Variants in DRD3 observed in about 807,000 individuals in gnomAD.
The protein encoded by DRD3 is D(3) dopamine receptor.
A neutral mutation model predicts 36.3 loss-of-function variants in DRD3; 19 were observed. The observed-to-expected ratio is 0.52, with a 90% CI of 0.36 to 0.77. The LOEUF (loss-of-function observed/expected upper bound fraction) is 0.77. Among genes scored for constraint, DRD3 ranks in the 30% least tolerant of loss-of-function variants. DRD3 has a pLI of 0.00. For synonymous variants in DRD3, 195 were observed against 203.7 expected (o/e 0.96, Z 0.36); for missense variants, 465 against 505.3 (o/e 0.92, Z 0.77).
chr3:114,177,293 T>C (rs2077909268), intron 1 of DRD3, among the ~76,000 whole-genome samples: 1 of 152,200 alleles, frequency 6.6e-6, no homozygotes, highest in Admixed American at 6.5e-5. Flanking sequence ...TGAAAAAGAT[T>C]CACAAATGGA....
intron 1 of DRD3, chr3:114,176,239 T>C (rs1241681600): frequency 6.6e-6 from 1 of 152,222 alleles, no homozygotes; most frequent in African/African-American, 2.4e-5. Context: ...TCTGGGCTAC[T>C]ACTGTGTGGC....
intron 2 of DRD3, among the ~76,000 whole-genome samples, chr3:114,166,818 G>A (rs1310621954): frequency 6.6e-6 from 1 of 152,156 alleles, no homozygotes; most frequent in East Asian, 1.9e-4. Context: ...GGAATTTCCT[G>A]TGGTTGGATC....
intron 4 of DRD3, among the ~76,000 whole-genome samples, chr3:114,141,283 C>T (rs2077521465): frequency 6.6e-6 from 1 of 152,204 alleles, no homozygotes; most frequent in Non-Finnish European, 1.5e-5. Context: ...ATCCACCCTC[C>T]TTGGCCTCCC....
chr3:114,179,773 T>G (rs556695074), upstream of DRD3, among the ~76,000 whole-genome samples: 52 of 152,302 alleles, frequency 3.4e-4, no homozygotes, highest in African/African-American at 1.3e-3. Flanking sequence ...GGTGCAGTTA[T>G]AGGGAAGCTA....
chr3:114,196,439 C>T (rs773411449), intron 1 of DRD3, among the ~76,000 whole-genome samples: 3 of 152,144 alleles, frequency 2.0e-5, no homozygotes, highest in Non-Finnish European at 4.4e-5. Context: ...CTCAGCCTAC[C>T]TAGTAGCTGG....
At position 114,145,442 on chromosome 3, in the gene DRD3, C is replaced by T. The variant is rs564761918; in HGVS notation, c.526+1973G>A. On this transcript the variant is annotated intron_variant, in intron 4 of 6. Coordinates refer to ENST00000383673, the MANE Select transcript of DRD3 (RefSeq NM_000796.6). ...CAAAGTAATGAAAGGTAAACAGTAA[C>T]GCAAAGATAACATCACCATATTTTG... Among the ~76,000 whole-genome samples the T allele has an allele frequency of 2.0e-5, 3 of 152,222 alleles. No individual in the cohort carries two copies. In the East Asian group the frequency reaches 5.8e-4, roughly 29 times the overall value.
chr3:114,179,557 A>C (rs1426054905), upstream of DRD3, among the ~76,000 whole-genome samples: 1 of 152,218 alleles, frequency 6.6e-6, no homozygotes, highest in Non-Finnish European at 1.5e-5. Context: ...AACAAGCTAA[A>C]GTGAGATGCA....
intron 5 of DRD3, among the ~76,000 whole-genome samples, chr3:114,138,430 A>G (rs1961462): frequency 0.21 from 31,810 of 152,142 alleles, 3,525 homozygotes; most frequent in Middle Eastern, 0.34. Flanking sequence ...GGCACGTCTT[A>G]CATGGCAGCA....
chr3:114,194,890 C>T (rs745795367), intron 1 of DRD3, among the ~76,000 whole-genome samples: 1 of 151,524 alleles, frequency 6.6e-6, no homozygotes, highest in Non-Finnish European at 1.5e-5. Context: ...TCATTTGTTA[C>T]TAATGTTCAG....
At chr3:114,130,733 T>A (rs180911237) in intron 6 of DRD3, among the ~76,000 whole-genome samples, 14 of 152,320 alleles carry the variant, frequency 9.2e-5, no homozygotes, top group African/African-American at 3.1e-4. Flanking sequence ...TAAAGTAATC[T>A]AGATTTTATC....
In DRD3 at chr3:114,139,614, C is replaced by A; in HGVS notation, c.609G>T (p.Val203=). Residue 203 remains valine, a synonymous_variant, in exon 5 of 7, where the codon GTG becomes GTT. Transcript: ENST00000383673. ...AGATTCTGGCATAGACAAGGACAGT[C>A]ACTCCAAAGGGCAGGTAGAAGGACA... The part of the protein sequence containing the change: ...SVVSFYLPFG[V]TVLVYARIYV... 1 of 1,614,134 alleles carries A rather than the reference C, an allele frequency of 6.2e-7. No homozygotes were observed. The highest frequency in any genetic ancestry group is 1.1e-5 in the South Asian group (1 of 91,066).
intron 4 of DRD3, among the ~76,000 whole-genome samples, chr3:114,140,099 A>G (rs1452644672): frequency 6.6e-6 from 1 of 152,168 alleles, no homozygotes. Context: ...GGCTCCCAGG[A>G]GGGATGCAGC....
intron 4 of DRD3, among the ~76,000 whole-genome samples, chr3:114,140,471 G>A (rs550234196): frequency 1.8e-3 from 269 of 152,226 alleles, no homozygotes; most frequent in Middle Eastern, 6.8e-3. Flanking sequence ...GGCCTGAAAC[G>A]TGCCCCATCT....
rs534251008 is a variant in DRD3, at chr3:114,131,390, G to T, written c.734C>A (p.Pro245His). The T allele has an allele frequency of 7.4e-6, 12 of 1,612,856 alleles. No homozygotes were observed. Among genetic ancestry groups the T allele is most frequent in the Non-Finnish European group, 1.0e-5 (12 of 1,179,066 alleles). ...RPGFPQQTLS[P>H]DPAHLELKRY... ...CTTCAGCTCCAGATGTGCCGGGTCA[G>T]GAGAGAGGGTCTGCAGGTGTGACAA... Residue 245 changes from proline to histidine, a missense_variant, in exon 6 of 7, where the codon CCT (proline) becomes CAT (histidine). Coordinates refer to ENST00000383673, the MANE Select transcript of DRD3 (RefSeq NM_000796.6).
intron 4 of DRD3, among the ~76,000 whole-genome samples, chr3:114,141,095 G>A (rs189219774): frequency 4.6e-5 from 7 of 152,262 alleles, no homozygotes; most frequent in Admixed American, 6.5e-5. Flanking sequence ...CCAATGGCTC[G>A]ATCTCGGCTC....
At chr3:114,155,758 G>A (rs1275774183) in intron 3 of DRD3, among the ~76,000 whole-genome samples, 5 of 152,010 alleles carry the variant, frequency 3.3e-5, no homozygotes, top group African/African-American at 1.2e-4. Flanking sequence ...ACACTCTCAA[G>A]AGGGAAGAGA....
intron 2 of DRD3, among the ~76,000 whole-genome samples, chr3:114,160,834 C>A (rs1291780463): frequency 6.6e-6 from 1 of 151,110 alleles, no homozygotes; most frequent in Non-Finnish European, 1.5e-5. Context: ...GGGAAAAGGG[C>A]TGGATTCTCT....
At chr3:114,168,807 G>T (rs2077811305) in intron 2 of DRD3, among the ~76,000 whole-genome samples, 3 of 152,176 alleles carry the variant, frequency 2.0e-5, no homozygotes, top group South Asian at 4.1e-4. Flanking sequence ...ACTAATCAAG[G>T]TTTCCAATAT....
intron 1 of DRD3, among the ~76,000 whole-genome samples, chr3:114,173,483 C>T (rs532273737): frequency 2.0e-5 from 3 of 152,324 alleles, no homozygotes; most frequent in Admixed American, 1.3e-4. Context: ...GGGTCTCATT[C>T]TAAATCTCTC....
Sources: allele counts gnomAD v4.1 joint callset (sites outside exome capture counted in the v4.1 genomes callset), GRCh38; gene constraint gnomAD v4.1.1; transcripts MANE v1.5; gene names NCBI Gene and HGNC (gene_info 2026-07-23, HGNC 2026-07-21).